SLC4A4: variants seen among roughly 807,000 people sequenced by gnomAD.
SLC4A4 encodes the protein electrogenic sodium bicarbonate cotransporter 1.
In SLC4A4, 27 loss-of-function variants were observed where a neutral mutation model predicts 111.5. The observed-to-expected ratio is 0.24, with a 90% CI of 0.18 to 0.33. The LOEUF (loss-of-function observed/expected upper bound fraction) is 0.33. Ranked by LOEUF, SLC4A4 falls within the 10% of genes least tolerant of loss-of-function variation. The pLI, the probability that SLC4A4 is intolerant of heterozygous loss-of-function variation, is 1.00. For synonymous variants in SLC4A4, 443 were observed against 463.4 expected (o/e 0.96, Z 0.57); for missense variants, 909 against 1,315.5 (o/e 0.69, Z 4.78).
chr4:71,308,866 C>A (rs1361022793), intron 3 of SLC4A4, among the ~76,000 whole-genome samples: 1 of 152,076 alleles, frequency 6.6e-6, no homozygotes, highest in Non-Finnish European at 1.5e-5. Flanking sequence ...GCCTAGGAAC[C>A]CCAGTGAGAC....
chr4:71,352,800 TAGAG>T (rs1279517341), intron 5 of SLC4A4, among the ~76,000 whole-genome samples: 11 of 152,196 alleles, frequency 7.2e-5, no homozygotes, highest in African/African-American at 2.7e-4. Flanking sequence ...ATGAGTCAGA[TAGAG>T]AGACACTCAG....
At chr4:71,281,421 T>C (rs1264274903) in intron 3 of SLC4A4, among the ~76,000 whole-genome samples, 1 of 152,206 alleles carries the variant, frequency 6.6e-6, no homozygotes. Context: ...ATGCCACATG[T>C]GCATTAAGTG....
chr4:71,394,447 T>G (rs913603859), intron 6 of SLC4A4, among the ~76,000 whole-genome samples: 6 of 152,068 alleles, frequency 3.9e-5, no homozygotes, highest in African/African-American at 1.4e-4. Context: ...AAAGCCACAA[T>G]GCAAAACCAC....
At chr4:71,208,447 T>A (rs1041872182) in intron 1 of SLC4A4, among the ~76,000 whole-genome samples, 26 of 146,438 alleles carry the variant, frequency 1.8e-4, no homozygotes, top group Middle Eastern at 3.5e-3. Context: ...AAAAAAAATA[T>A]ATATATATAT....
chr4:71,473,806 G>T (rs947292854), intron 14 of SLC4A4, among the ~76,000 whole-genome samples: 1 of 151,814 alleles, frequency 6.6e-6, no homozygotes, highest in Non-Finnish European at 1.5e-5. Flanking sequence ...TTTCAAAAAA[G>T]GATTTACTTT....
At chr4:71,218,893 G>A (rs992047019) in intron 1 of SLC4A4, among the ~76,000 whole-genome samples, 1 of 152,088 alleles carries the variant, frequency 6.6e-6, no homozygotes, top group African/African-American at 2.4e-5. Context: ...ACTTCCTTGG[G>A]AAAAATAGGT....
At chr4:71,140,014 A>T (rs1743952631) in intron 2 of SLC4A4, among the ~76,000 whole-genome samples, 1 of 152,010 alleles carries the variant, frequency 6.6e-6, no homozygotes, top group South Asian at 2.1e-4. Context: ...TCTGTTTGGG[A>T]TGGTCAAGGT....
intron 8 of SLC4A4, among the ~76,000 whole-genome samples, chr4:71,445,308 T>C (rs756322526): frequency 2.0e-5 from 3 of 152,206 alleles, no homozygotes; most frequent in Non-Finnish European, 2.9e-5. Context: ...GGACTATTAA[T>C]GACTGAGAAT....
intron 14 of SLC4A4, 21 bp from the exon 15 acceptor site, chr4:71,486,927 A>G (rs1466573327): frequency 5.3e-6 from 8 of 1,523,292 alleles, no homozygotes; most frequent in African/African-American, 2.8e-5. Context: ...ATAGTATAAA[A>G]TAATTATCTT....
At chr4:71,256,236 G>A (rs920113391) in intron 3 of SLC4A4, among the ~76,000 whole-genome samples, 10 of 152,148 alleles carry the variant, frequency 6.6e-5, no homozygotes, top group African/African-American at 2.4e-4. Context: ...TCATGTCTTT[G>A]CTACAGTTGC....
intron 1 of SLC4A4, among the ~76,000 whole-genome samples, chr4:71,228,256 C>G (rs1031378752): frequency 6.6e-6 from 1 of 152,102 alleles, no homozygotes; most frequent in Non-Finnish European, 1.5e-5. Flanking sequence ...AATCTGAAGA[C>G]AGAGTTTAGG....
chr4:71,548,352 A>G (rs1735709617), intron 20 of SLC4A4, among the ~76,000 whole-genome samples: 2 of 151,946 alleles, frequency 1.3e-5, no homozygotes, highest in African/African-American at 4.8e-5. Flanking sequence ...AGGGGTCAAT[A>G]TATAGGTTTA....
At chr4:71,489,527 G>C (rs887829282) in intron 15 of SLC4A4, among the ~76,000 whole-genome samples, 1 of 151,718 alleles carries the variant, frequency 6.6e-6, no homozygotes, top group African/African-American at 2.4e-5. Flanking sequence ...ATGGCATGTA[G>C]TCATCTCTCA....
chr4:71,107,036 T>C (rs1742949486), intron 2 of SLC4A4, among the ~76,000 whole-genome samples: 2 of 151,990 alleles, frequency 1.3e-5, no homozygotes, highest in African/African-American at 4.8e-5. Context: ...ATTGCCACCA[T>C]GCCCTATTGG....
At chr4:71,491,816 ACTTAACTCTTG>A (rs1729946788) in intron 15 of SLC4A4, among the ~76,000 whole-genome samples, 1 of 151,724 alleles carries the variant, frequency 6.6e-6, no homozygotes, top group Admixed American at 6.6e-5. Flanking sequence ...TGCCATAGGG[ACTTAACTCTTG>A]CTTATAGTGA....
chr4:71,154,127 A>G (rs1165404527), intron 2 of SLC4A4, among the ~76,000 whole-genome samples: 1 of 152,168 alleles, frequency 6.6e-6, no homozygotes, highest in Non-Finnish European at 1.5e-5. Flanking sequence ...GAAAACAGCC[A>G]ATGTGAGGGT....
upstream of SLC4A4, among the ~76,000 whole-genome samples, chr4:71,182,633 G>C (rs957772811): frequency 6.6e-6 from 1 of 152,084 alleles, no homozygotes; most frequent in African/African-American, 2.4e-5. Flanking sequence ...TCCCAAGGAG[G>C]CAGGAAGCCA....
At chr4:71,117,978 G>A (rs1743318059) in intron 2 of SLC4A4, among the ~76,000 whole-genome samples, 1 of 151,538 alleles carries the variant, frequency 6.6e-6, no homozygotes, top group Non-Finnish European at 1.5e-5. Context: ...TCAGGTTCGA[G>A]TGATTCTCCT....
chr4:71,130,205 A>G (rs192626486), intron 2 of SLC4A4, among the ~76,000 whole-genome samples: 3 of 152,244 alleles, frequency 2.0e-5, no homozygotes, highest in Non-Finnish European at 4.4e-5. Flanking sequence ...GACCTCTTCA[A>G]TTGCCAGAGT....
Sources: allele counts gnomAD v4.1 joint callset (sites outside exome capture counted in the v4.1 genomes callset), GRCh38; gene constraint gnomAD v4.1.1; transcripts MANE v1.5; gene names NCBI Gene and HGNC (gene_info 2026-07-23, HGNC 2026-07-21).